CACNG4: variants seen among roughly 807,000 people sequenced by gnomAD.
CACNG4 encodes the protein calcium voltage-gated channel auxiliary subunit gamma 4, also known as voltage-dependent calcium channel gamma-4 subunit.
A neutral mutation model predicts 22.9 loss-of-function variants in CACNG4; 8 were observed. That is an observed-to-expected ratio of 0.35 (90% CI 0.21 to 0.63). The LOEUF (loss-of-function observed/expected upper bound fraction) is 0.63. Among genes scored for constraint, CACNG4 ranks in the 30% least tolerant of loss-of-function variants. CACNG4 has a pLI of 0.72. For synonymous variants in CACNG4, 188 were observed against 191.9 expected (o/e 0.98, Z 0.17); for missense variants, 357 against 455.4 (o/e 0.78, Z 1.97).
chr17:66,964,887 G>A lies in CACNG4; in HGVS notation c.-25G>A. The A allele has an allele frequency of 7.3e-7, 1 of 1,368,178 alleles. No individual in the cohort carries two copies. The highest frequency in any genetic ancestry group is 1.5e-5 in the South Asian group (1 of 65,670). The allele number at this position is 1,368,178 out of a possible 1,614,324, so 84.8% of individuals were successfully genotyped here. A position where few individuals can be genotyped will look rare whatever the true frequency, so the allele number is the denominator to read the frequency against. ...GCGGGCGCGGCGGGCCGGGCCGGCG[G>A]GCGGCGGACTATGAGGCGCCCACCA... On this transcript the variant is annotated 5_prime_UTR_variant, in exon 1 of 4. Transcript: ENST00000262138.
At chr17:66,998,613 C>G (rs2035388951) in intron 1 of CACNG4, among the ~76,000 whole-genome samples, 1 of 152,134 alleles carries the variant, frequency 6.6e-6, no homozygotes, top group Non-Finnish European at 1.5e-5. Flanking sequence ...CTAAGTGTTC[C>G]CCGCTCACCC....
At chr17:67,000,881 G>T (rs2035404013) in intron 1 of CACNG4, among the ~76,000 whole-genome samples, 1 of 152,094 alleles carries the variant, frequency 6.6e-6, no homozygotes, top group South Asian at 2.1e-4. Context: ...CCTCCACTCT[G>T]TCCTCCATCC....
intron 1 of CACNG4, among the ~76,000 whole-genome samples, chr17:66,997,046 G>A (rs2035379786): frequency 6.6e-6 from 1 of 152,202 alleles, no homozygotes; most frequent in African/African-American, 2.4e-5. Context: ...CTCAGGGTCA[G>A]CAGGAACCAG....
chr17:66,982,624 A>G (rs867887240), intron 1 of CACNG4, among the ~76,000 whole-genome samples: 7 of 152,152 alleles, frequency 4.6e-5, no homozygotes, highest in South Asian at 2.1e-4. Flanking sequence ...TCACCTCTCA[A>G]TAGCTCACTG....
At chr17:66,975,285 C>T (rs1320763523) in intron 1 of CACNG4, among the ~76,000 whole-genome samples, 1 of 152,120 alleles carries the variant, frequency 6.6e-6, no homozygotes, top group Non-Finnish European at 1.5e-5. Flanking sequence ...CAGGAAGGGG[C>T]TGGATCTTCA....
chr17:67,028,414 A>C (rs553433643), intron 3 of CACNG4, among the ~76,000 whole-genome samples: 6 of 151,994 alleles, frequency 3.9e-5, no homozygotes, highest in Non-Finnish European at 5.9e-5. Flanking sequence ...TTAGCTGGGC[A>C]TGGTGGCGGG....
At chr17:67,021,754 G>A (rs1006692537) in intron 2 of CACNG4, 5 of 152,396 alleles carry the variant, frequency 3.3e-5, no homozygotes, top group African/African-American at 1.2e-4. Flanking sequence ...CTGGTGTCAG[G>A]GCTGCTGGGA....
At chr17:66,990,059 G>A (rs549871139) in intron 1 of CACNG4, among the ~76,000 whole-genome samples, 23 of 152,328 alleles carry the variant, frequency 1.5e-4, no homozygotes, top group African/African-American at 5.3e-4. Context: ...CCCAGTCTCT[G>A]TGGACTGGGA....
chr17:67,022,747 C>T (rs566033144), intron 2 of CACNG4, among the ~76,000 whole-genome samples: 3 of 152,342 alleles, frequency 2.0e-5, no homozygotes, highest in African/African-American at 7.2e-5. Flanking sequence ...GAGATTTCTA[C>T]GGGGCTGGGA....
chr17:67,013,354 T>C (rs1056500542), intron 1 of CACNG4, among the ~76,000 whole-genome samples: 5 of 152,192 alleles, frequency 3.3e-5, no homozygotes, highest in African/African-American at 9.6e-5. Context: ...TTCTTAGTTT[T>C]ATTGGTTCAT....
chr17:67,020,989 A>G (rs1157081968), intron 2 of CACNG4, among the ~76,000 whole-genome samples: 1 of 152,134 alleles, frequency 6.6e-6, no homozygotes, highest in Non-Finnish European at 1.5e-5. Context: ...AGATCGCTTG[A>G]GGTTAGGAGT....
rs141990858 is a variant in CACNG4, at chr17:66,991,608, G to T, written c.220+26477G>T. 1.4e-3 allele frequency among the ~76,000 whole-genome samples: 217 copies of T among 152,278 alleles called. 1 individual carries two copies. The highest frequency in any genetic ancestry group is 4.8e-3 in the African/African-American group (200 of 41,550). ...CCTACTCACATGGGTAAGGATACGG[G>T]CCTGCGAGGATGTGTGTCAGTTGTT... On this transcript the variant is annotated intron_variant, in intron 1 of 3. Coordinates refer to ENST00000262138, the MANE Select transcript of CACNG4 (RefSeq NM_014405.4).
At chr17:67,009,146 A>G (rs1241262261) in intron 1 of CACNG4, among the ~76,000 whole-genome samples, 1 of 152,200 alleles carries the variant, frequency 6.6e-6, no homozygotes, top group African/African-American at 2.4e-5. Context: ...AGGCAGAGTC[A>G]TGGAAGAGCT....
intron 1 of CACNG4, among the ~76,000 whole-genome samples, chr17:67,011,624 G>GGAAT (rs67913831): frequency 0.025 from 3,720 of 147,282 alleles, 53 homozygotes; most frequent in Non-Finnish European, 0.034. Flanking sequence ...ATGCTCTTGA[G>GGAAT]GAATGAATGA....
At chr17:67,026,378 G>T (rs1340874531) in intron 3 of CACNG4, among the ~76,000 whole-genome samples, 2 of 151,026 alleles carry the variant, frequency 1.3e-5, no homozygotes, top group African/African-American at 2.4e-5. Context: ...GAGGAATGTG[G>T]TGTGTGTGTG....
chr17:66,990,168 C>T (rs1369149281), intron 1 of CACNG4, among the ~76,000 whole-genome samples: 6 of 152,180 alleles, frequency 3.9e-5, no homozygotes. Context: ...GGACCTCTTG[C>T]ATGCTCACTG....
chr17:66,979,847 C>T (rs2143287936), intron 1 of CACNG4, among the ~76,000 whole-genome samples: 1 of 145,812 alleles, frequency 6.9e-6, no homozygotes. Flanking sequence ...CCTCCTGGGT[C>T]CTGGTTCAAG....
chr17:66,970,795 A>T (rs577033438), intron 1 of CACNG4, among the ~76,000 whole-genome samples: 1 of 152,238 alleles, frequency 6.6e-6, no homozygotes, highest in South Asian at 2.1e-4. Flanking sequence ...ACATGTGTCC[A>T]TCACAGACAT....
chr17:67,030,012 G>A lies in CACNG4; in HGVS notation c.446-454G>A, dbSNP rs1028018688. Among the ~76,000 whole-genome samples the A allele has an allele frequency of 2.0e-5, 3 of 152,234 alleles. No individual in the cohort carries two copies. The highest frequency in any genetic ancestry group is 6.5e-5 in the Admixed American group (1 of 15,284). ...CCGTAAAGGCCTGGTTAGGTGGGTCGTGAGACTTCTGTATGGCGGTGCCGC... is the reference window on the plus strand; with the variant it reads ...CCGTAAAGGCCTGGTTAGGTGGGTCATGAGACTTCTGTATGGCGGTGCCGC... On this transcript the variant is annotated intron_variant, in intron 3 of 3. Transcript: ENST00000262138. The surrounding 1 kb of genome is among the most constrained non-coding windows in gnomAD (Gnocchi z 6.4).
Sources: allele counts gnomAD v4.1 joint callset (sites outside exome capture counted in the v4.1 genomes callset), GRCh38; gene constraint gnomAD v4.1.1; non-coding constraint Gnocchi (gnomAD v3.1); transcripts MANE v1.5; gene names NCBI Gene and HGNC (gene_info 2026-07-23, HGNC 2026-07-21).